The following TNS3 variants were observed in gnomAD, a reference collection of about 807,000 sequenced individuals.
TNS3 encodes the protein tensin-3.
A neutral mutation model predicts 140.9 loss-of-function variants in TNS3; 45 were observed. The ratio of observed to expected loss-of-function variants is 0.32; its 90% confidence interval spans 0.25 to 0.41. TNS3 has a LOEUF of 0.41. TNS3 is among the 10% of genes least tolerant of loss of function. TNS3 has a pLI of 1.00. For missense variants in TNS3, 1,716 were observed against 1,906.7 expected, an observed-to-expected ratio of 0.90 and a Z score of 1.86; for synonymous variants, 815 against 788.4, an observed-to-expected ratio of 1.03 and a Z score of -0.56.
At chr7:47,436,460 T>C (rs1312494440) in intron 7 of TNS3, among the ~76,000 whole-genome samples, 2 of 152,120 alleles carry the variant, frequency 1.3e-5, no homozygotes, top group Non-Finnish European at 2.9e-5. Flanking sequence ...AATGAGAGCA[T>C]TAGGACAAAT....
intron 17 of TNS3, among the ~76,000 whole-genome samples, chr7:47,348,007 C>G (rs1331520761): frequency 6.6e-6 from 1 of 152,186 alleles, no homozygotes; most frequent in Non-Finnish European, 1.5e-5. Context: ...CATCCTCACA[C>G]TCACCACCCT....
intron 3 of TNS3, among the ~76,000 whole-genome samples, chr7:47,492,916 C>T (rs1045665338): frequency 6.6e-6 from 1 of 152,202 alleles, no homozygotes; most frequent in Non-Finnish European, 1.5e-5. Context: ...TTCATCAGGA[C>T]GGCACTGAGC....
At chr7:47,552,002 A>T (rs1312455503) in intron 1 of TNS3, among the ~76,000 whole-genome samples, 1 of 145,992 alleles carries the variant, frequency 6.8e-6, no homozygotes, top group African/African-American at 2.8e-5. Context: ...TACAAGGAAA[A>T]TGGAAACATT....
intron 27 of TNS3, among the ~76,000 whole-genome samples, chr7:47,288,666 T>TA (rs1198136587): frequency 6.6e-6 from 1 of 152,086 alleles, no homozygotes; most frequent in African/African-American, 2.4e-5. Flanking sequence ...AGGGACCCCC[T>TA]AAAACAGATT....
chr7:47,513,138 AT>A (rs1798666605), intron 2 of TNS3, among the ~76,000 whole-genome samples: 1 of 152,198 alleles, frequency 6.6e-6, no homozygotes, highest in Admixed American at 6.5e-5. Flanking sequence ...ATTTAAAAAA[AT>A]GATTTTTAAA....
chr7:47,472,109 G>C (rs1267208370), intron 4 of TNS3, among the ~76,000 whole-genome samples: 1 of 152,302 alleles, frequency 6.6e-6, no homozygotes, highest in South Asian at 2.1e-4. Context: ...TCCAGCCTCT[G>C]CCTCTGTCAT....
At chr7:47,433,277 T>C (rs927737501) in intron 8 of TNS3, among the ~76,000 whole-genome samples, 2 of 152,236 alleles carry the variant, frequency 1.3e-5, no homozygotes, top group Admixed American at 6.5e-5. Context: ...GATGATGAAC[T>C]TCTGTTAACA....
chr7:47,570,968 A>T (rs1192448179), intron 1 of TNS3, among the ~76,000 whole-genome samples: 1 of 152,210 alleles, frequency 6.6e-6, no homozygotes, highest in Non-Finnish European at 1.5e-5. Flanking sequence ...GCCTCAGAAC[A>T]GAGGGCCAGG....
chr7:47,466,441 C>G (rs1186955295), intron 4 of TNS3, among the ~76,000 whole-genome samples: 1 of 152,214 alleles, frequency 6.6e-6, no homozygotes, highest in Non-Finnish European at 1.5e-5. Flanking sequence ...CCACAGCACC[C>G]GACCCAGTTC....
At chr7:47,400,269 T>C in intron 15 of TNS3, 124 bp downstream of exon 15, 1 of 815,262 alleles carries the variant, frequency 1.2e-6, no homozygotes, top group South Asian at 1.7e-5. Flanking sequence ...TTAAATAAAA[T>C]TAATCACAGA....
intron 16 of TNS3, among the ~76,000 whole-genome samples, chr7:47,376,130 G>A (rs190978189): frequency 2.0e-5 from 3 of 152,308 alleles, no homozygotes; most frequent in South Asian, 2.1e-4. Flanking sequence ...AGTCATAAAC[G>A]GGGACTTAAA....
chr7:47,428,075 G>A (rs929827012), intron 9 of TNS3, among the ~76,000 whole-genome samples: 1 of 152,036 alleles, frequency 6.6e-6, no homozygotes, highest in African/African-American at 2.4e-5. Context: ...ATGCCTCCAT[G>A]GAAGTACTTA....
intron 16 of TNS3, among the ~76,000 whole-genome samples, chr7:47,377,450 G>T (rs1791464885): frequency 6.6e-6 from 1 of 152,186 alleles, no homozygotes; most frequent in Admixed American, 6.5e-5. Context: ...GGAGAAGAGT[G>T]GGGCTGCAAA....
intron 1 of TNS3, among the ~76,000 whole-genome samples, chr7:47,554,672 C>T (rs946225143): frequency 1.3e-5 from 2 of 152,264 alleles, no homozygotes; most frequent in South Asian, 4.1e-4. Flanking sequence ...TTGCTGCAAT[C>T]GCATGATCAA....
intron 1 of TNS3, among the ~76,000 whole-genome samples, chr7:47,540,447 G>A (rs997049130): frequency 2.0e-5 from 3 of 152,186 alleles, no homozygotes; most frequent in African/African-American, 7.2e-5. Flanking sequence ...AAGGTTCCCT[G>A]GGGGAGAGCT....
intron 4 of TNS3, among the ~76,000 whole-genome samples, chr7:47,474,519 G>A (rs1428064141): frequency 7.5e-6 from 1 of 134,132 alleles, no homozygotes; most frequent in Admixed American, 7.6e-5. Flanking sequence ...ACACAACACA[G>A]GCATGTACAC....
At chr7:47,513,366 G>C (rs77393023) in intron 2 of TNS3, among the ~76,000 whole-genome samples, 3,045 of 152,138 alleles carry the variant, frequency 0.02, 118 homozygotes, top group African/African-American at 0.071. Flanking sequence ...ATGGGGTCTT[G>C]TTTTGTTGCC....
At chr7:47,433,507 C>A (rs1795024559) in intron 8 of TNS3, among the ~76,000 whole-genome samples, 1 of 152,072 alleles carries the variant, frequency 6.6e-6, no homozygotes, top group African/African-American at 2.4e-5. Flanking sequence ...CTAGGTGGTC[C>A]CCACTAGGAC....
intron 1 of TNS3, 87 bp from the exon 2 acceptor site, chr7:47,529,234 G>T: frequency 1.3e-6 from 1 of 748,696 alleles, no homozygotes; most frequent in Non-Finnish European, 1.9e-6. Flanking sequence ...AATAAATCTA[G>T]TGGAATTGTA....
Sources: allele counts gnomAD v4.1 joint callset (sites outside exome capture counted in the v4.1 genomes callset), GRCh38; gene constraint gnomAD v4.1.1; transcripts MANE v1.5; gene names NCBI Gene and HGNC (gene_info 2026-07-23, HGNC 2026-07-21).